GRIN2B: variants seen among roughly 807,000 people sequenced by gnomAD.
GRIN2B encodes the protein glutamate ionotropic receptor NMDA type subunit 2B.
Under a neutral mutation model 114.5 loss-of-function variants are expected in GRIN2B, and 5 were observed. The ratio of observed to expected loss-of-function variants is 0.04; its 90% confidence interval spans 0.02 to 0.09. The LOEUF (loss-of-function observed/expected upper bound fraction) is 0.09, where lower values mean the gene tolerates loss of function less well. Among genes scored for constraint, GRIN2B ranks in the 10% least tolerant of loss-of-function variants. The probability of loss-of-function intolerance (pLI) is 1.00; values close to 1 mark genes in which losing one functional copy is unlikely to be tolerated. For missense variants in GRIN2B, 1,108 were observed against 1,943.5 expected, an observed-to-expected ratio of 0.57 and a Z score of 8.08; for synonymous variants, 787 against 745.1, an observed-to-expected ratio of 1.06 and a Z score of -0.92.
intron 8 of GRIN2B, among the ~76,000 whole-genome samples, chr12:13,614,832 G>A (rs942504965): frequency 7.9e-5 from 12 of 152,218 alleles, no homozygotes; most frequent in African/African-American, 2.9e-4. Context: ...AAGGTCACAT[G>A]CTGACTAAAT....
chr12:13,851,751 CTG>C (rs2136728560), intron 3 of GRIN2B, among the ~76,000 whole-genome samples: 1 of 152,260 alleles, frequency 6.6e-6, no homozygotes, highest in African/African-American at 2.4e-5. Flanking sequence ...TTATGTCAAA[CTG>C]TTTTATTTTT....
chr12:13,720,136 G>T lies in GRIN2B; in HGVS notation c.1010+33181C>A, dbSNP rs549461030. On this transcript the variant is annotated intron_variant, in intron 4 of 13. Transcript: ENST00000609686. ...ATGTAGGGAATGTCGAGTCAGCCTG[G>T]CTTTGTCTAATTAAAAAATAAGCTT... Among the ~76,000 whole-genome samples the T allele has an allele frequency of 7.2e-5, 11 of 152,098 alleles. No homozygotes were observed. In the South Asian group the frequency reaches 2.3e-3, roughly 32 times the overall value.
At chr12:13,616,434 G>T in intron 6 of GRIN2B, 21 bp downstream of exon 6, 2 of 1,591,650 alleles carry the variant, frequency 1.3e-6, no homozygotes, top group Non-Finnish European at 1.7e-6. Context: ...GCCACCCAAA[G>T]TCATTGAGAG....
intron 3 of GRIN2B, among the ~76,000 whole-genome samples, chr12:13,786,593 A>AGG (rs1864225420): frequency 6.6e-6 from 1 of 152,096 alleles, no homozygotes; most frequent in Admixed American, 6.5e-5. Context: ...CGTGGTGATC[A>AGG]GGGTCCGGAG....
intron 2 of GRIN2B, among the ~76,000 whole-genome samples, chr12:13,907,581 C>A (rs1296172603): frequency 1.3e-5 from 2 of 151,666 alleles, no homozygotes; most frequent in Admixed American, 1.3e-4. Context: ...CAAAATTTAT[C>A]TCAGGTTGAC....
intron 3 of GRIN2B, among the ~76,000 whole-genome samples, chr12:13,757,673 A>G (rs1051361831): frequency 6.6e-6 from 1 of 152,140 alleles, no homozygotes. Context: ...TCACCTCAAG[A>G]GCATCTTTAA....
chr12:13,670,832 G>A (rs1453768147), intron 5 of GRIN2B, among the ~76,000 whole-genome samples: 1 of 152,014 alleles, frequency 6.6e-6, no homozygotes, highest in Non-Finnish European at 1.5e-5. Flanking sequence ...TTGGCTTTCT[G>A]TGAATCAAAT....
At chr12:13,758,998 A>AGTTTTTTTTTTTTTTT (rs771891565) in intron 3 of GRIN2B, among the ~76,000 whole-genome samples, 1 of 85,600 alleles carries the variant, frequency 1.2e-5, no homozygotes, top group African/African-American at 4.9e-5. Context: ...ATCTAGTTCA[A>AGTTTTTTTTTTTTTTT]TTTTTTTTTT....
At chr12:13,967,138 G>T (rs1268622819) in intron 2 of GRIN2B, among the ~76,000 whole-genome samples, 2 of 152,194 alleles carry the variant, frequency 1.3e-5, no homozygotes, top group East Asian at 3.8e-4. Flanking sequence ...ACACTCCTGT[G>T]CATTTCTGGA....
chr12:13,730,316 A>T (rs1028120859), intron 4 of GRIN2B, among the ~76,000 whole-genome samples: 4 of 152,236 alleles, frequency 2.6e-5, no homozygotes, highest in African/African-American at 9.6e-5. Flanking sequence ...ATCAATAATT[A>T]ATGTCAATAT....
intron 4 of GRIN2B, among the ~76,000 whole-genome samples, chr12:13,735,892 A>G (rs1305502099): frequency 6.3e-5 from 6 of 94,506 alleles, no homozygotes. Context: ...GGAATGGAAG[A>G]CAGGATTTTT....
intron 2 of GRIN2B, among the ~76,000 whole-genome samples, chr12:13,918,313 G>A (rs1866766259): frequency 6.6e-6 from 1 of 152,180 alleles, no homozygotes; most frequent in Non-Finnish European, 1.5e-5. Flanking sequence ...ACTGAGGCAG[G>A]AGGATAACTT....
intron 4 of GRIN2B, among the ~76,000 whole-genome samples, chr12:13,732,448 G>A (rs1442988465): frequency 3.3e-5 from 5 of 151,904 alleles, no homozygotes; most frequent in South Asian, 4.2e-4. Context: ...TCCTTCCCTC[G>A]GGCCTCTGTA....
At chr12:13,631,513 C>T (rs1189497925) in intron 5 of GRIN2B, among the ~76,000 whole-genome samples, 1 of 151,970 alleles carries the variant, frequency 6.6e-6, no homozygotes, top group Non-Finnish European at 1.5e-5. Context: ...TGCTCCCATC[C>T]AGCCAAAAAG....
chr12:13,682,556 C>T (rs1316656961), intron 4 of GRIN2B, among the ~76,000 whole-genome samples: 1 of 152,212 alleles, frequency 6.6e-6, no homozygotes, highest in East Asian at 1.9e-4. Context: ...CAAGTTTGGG[C>T]TAGTTCATAT....
chr12:13,649,380 G>A (rs1184492844), intron 5 of GRIN2B, among the ~76,000 whole-genome samples: 1 of 152,004 alleles, frequency 6.6e-6, no homozygotes, highest in East Asian at 1.9e-4. Flanking sequence ...AGGTCAACTG[G>A]TGCTGAGAAC....
intron 4 of GRIN2B, among the ~76,000 whole-genome samples, chr12:13,729,284 A>G (rs939100725): frequency 1.3e-5 from 2 of 152,172 alleles, no homozygotes; most frequent in African/African-American, 4.8e-5. Context: ...ATAACTCTTT[A>G]TCACAAATAA....
rs1948270067 is a variant in GRIN2B, at chr12:13,540,931, T to C, written c.*21852A>G. On this transcript the variant is annotated 3_prime_UTR_variant, in exon 14 of 14. Transcript: ENST00000609686. Reference sequence around the variant, plus strand: ...CCATTTCCCCTCTGCCATGTGACTTTGGGAGGGGTGCAGCTGTGAATTTGC... The same window carrying C: ...CCATTTCCCCTCTGCCATGTGACTTCGGGAGGGGTGCAGCTGTGAATTTGC... The C allele has an allele frequency of 6.6e-6, 1 of 152,206 alleles. No individual in the cohort carries two copies. The highest frequency in any genetic ancestry group is 2.4e-5 in the African/African-American group (1 of 41,404). The allele number at this position is 152,206 out of a possible 1,614,324, so 9.4% of individuals were successfully genotyped here. A position where few individuals can be genotyped will look rare whatever the true frequency, so the allele number is the denominator to read the frequency against.
chr12:13,568,080 G>GT (rs1212631369), intron 12 of GRIN2B, among the ~76,000 whole-genome samples: 1 of 152,042 alleles, frequency 6.6e-6, no homozygotes, highest in East Asian at 1.9e-4. Flanking sequence ...GCAAAGAGGA[G>GT]TAAGCTTGGA....
Sources: gnomAD v4.1 joint callset for allele counts (sites outside exome capture counted in the v4.1 genomes callset) on GRCh38, gnomAD v4.1.1 for gene constraint, MANE v1.5 for transcripts, NCBI Gene and HGNC (gene_info 2026-07-23, HGNC 2026-07-21) for gene names.